Variants in CSMD1 observed in about 807,000 individuals in gnomAD.
CSMD1 encodes CUB and Sushi multiple domains 1.
CSMD1 carries 213 observed loss-of-function variants against 417.5 expected under a neutral mutation model. The observed-to-expected ratio is 0.51, with a 90% CI of 0.46 to 0.57. The LOEUF (loss-of-function observed/expected upper bound fraction) is 0.57, where lower values mean the gene tolerates loss of function less well. CSMD1 is among the 20% of genes least tolerant of loss of function. CSMD1 has a pLI of 0.00. For missense variants in CSMD1, 6,923 were observed against 4,529.7 expected (o/e 1.53, Z -15.17); for synonymous variants, 2,862 against 1,736.8 (o/e 1.65, Z -16.11).
chr8:4,038,064 A>G (rs942515644), intron 3 of CSMD1, among the ~76,000 whole-genome samples: 3 of 152,168 alleles, frequency 2.0e-5, no homozygotes, highest in Non-Finnish European at 2.9e-5. Flanking sequence ...TTAATTCAAA[A>G]AGTTTGGAAG....
At chr8:4,185,392 G>C (rs970647160) in intron 3 of CSMD1, among the ~76,000 whole-genome samples, 1 of 151,966 alleles carries the variant, frequency 6.6e-6, no homozygotes, top group Non-Finnish European at 1.5e-5. Context: ...AAAGTACCCA[G>C]AATAGTACCC....
chr8:4,424,776 T>A (rs1797448768), intron 2 of CSMD1, among the ~76,000 whole-genome samples: 1 of 152,104 alleles, frequency 6.6e-6, no homozygotes, highest in Non-Finnish European at 1.5e-5. Flanking sequence ...CCATAATGCA[T>A]CAATATTCGG....
intron 5 of CSMD1, among the ~76,000 whole-genome samples, chr8:3,806,712 A>G (rs528966989): frequency 2.0e-5 from 3 of 152,304 alleles, no homozygotes; most frequent in African/African-American, 7.2e-5. Context: ...GAGAGGTAAT[A>G]TTTCCATTTT....
intron 1 of CSMD1, among the ~76,000 whole-genome samples, chr8:4,936,202 C>T (rs943300002): frequency 2.0e-5 from 3 of 152,092 alleles, no homozygotes; most frequent in African/African-American, 2.4e-5. Context: ...AATTATTATG[C>T]TTCCATATAA....
At chr8:4,814,516 G>A (rs1343056086) in intron 1 of CSMD1, among the ~76,000 whole-genome samples, 1 of 152,080 alleles carries the variant, frequency 6.6e-6, no homozygotes, top group Non-Finnish European at 1.5e-5. Context: ...CAAAGCGCTG[G>A]GATTACAGGT....
chr8:4,573,055 G>C (rs1585269082), intron 2 of CSMD1, among the ~76,000 whole-genome samples: 1 of 152,104 alleles, frequency 6.6e-6, no homozygotes, highest in South Asian at 2.1e-4. Flanking sequence ...CTTGTATTGG[G>C]TTAGAAAACG....
chr8:3,365,698 G>A (rs115642397), intron 20 of CSMD1, among the ~76,000 whole-genome samples: 4,585 of 152,242 alleles, frequency 0.03, 93 homozygotes, highest in East Asian at 0.079. Context: ...GTAGGCTTTT[G>A]GTCAACAGTA....
At chr8:3,616,399 T>C (rs1010529386) in intron 8 of CSMD1, among the ~76,000 whole-genome samples, 28 of 152,220 alleles carry the variant, frequency 1.8e-4, no homozygotes, top group African/African-American at 6.8e-4. Context: ...CTGCCATGAT[T>C]GTAAGTTTCC....
intron 8 of CSMD1, among the ~76,000 whole-genome samples, chr8:3,591,831 A>G (rs1404827434): frequency 4.6e-5 from 7 of 152,142 alleles, no homozygotes. Flanking sequence ...TGGATAGATG[A>G]TAGGTACATA....
chr8:3,567,082 T>C (rs1352969790), intron 10 of CSMD1, among the ~76,000 whole-genome samples: 1 of 152,238 alleles, frequency 6.6e-6, no homozygotes, highest in Non-Finnish European at 1.5e-5. Flanking sequence ...TACCATGGAA[T>C]ACTATGCAGC....
chr8:4,139,138 C>A (rs1613815), intron 3 of CSMD1, among the ~76,000 whole-genome samples: 38,464 of 152,052 alleles, frequency 0.25, 5,366 homozygotes, highest in East Asian at 0.38. Flanking sequence ...ATCCTGGACC[C>A]ATTTCCTACT....
At chr8:3,112,323 C>A (rs1252499920) in intron 42 of CSMD1, among the ~76,000 whole-genome samples, 1 of 152,174 alleles carries the variant, frequency 6.6e-6, no homozygotes, top group African/African-American at 2.4e-5. Flanking sequence ...TAAGGTTTCC[C>A]TTTTGCATTT....
At chr8:3,597,751 T>C (rs920493505) in intron 8 of CSMD1, among the ~76,000 whole-genome samples, 7 of 152,082 alleles carry the variant, frequency 4.6e-5, no homozygotes, top group South Asian at 2.1e-4. Context: ...AAACCAAACA[T>C]TGCATGTTCT....
chr8:4,223,612 G>A (rs563698434), intron 3 of CSMD1, among the ~76,000 whole-genome samples: 59 of 152,242 alleles, frequency 3.9e-4, no homozygotes, highest in Admixed American at 7.2e-4. Context: ...TTGACCATGG[G>A]AAAGAATAGA....
chr8:3,579,024 T>G (rs928641170), intron 9 of CSMD1, among the ~76,000 whole-genome samples: 3 of 152,112 alleles, frequency 2.0e-5, no homozygotes, highest in Non-Finnish European at 4.4e-5. Context: ...TAATAGAGAG[T>G]AAAATTCACC....
At chr8:3,008,935 G>A (rs1424265803) in intron 52 of CSMD1, among the ~76,000 whole-genome samples, 3 of 152,152 alleles carry the variant, frequency 2.0e-5, no homozygotes, top group African/African-American at 7.2e-5. Context: ...GTACAGCAAG[G>A]TGAGAGTCTC....
At chr8:4,690,831 C>T (rs947493936) in intron 1 of CSMD1, among the ~76,000 whole-genome samples, 1 of 152,166 alleles carries the variant, frequency 6.6e-6, no homozygotes, top group Non-Finnish European at 1.5e-5. Context: ...CGGGTTCAAG[C>T]AATTCTGCTG....
chr8:3,274,583 C>A (rs1802130879), intron 26 of CSMD1, among the ~76,000 whole-genome samples: 1 of 151,956 alleles, frequency 6.6e-6, no homozygotes, highest in African/African-American at 2.4e-5. Context: ...GTAGGTCACT[C>A]AGGACTTGCT....
intron 5 of CSMD1, among the ~76,000 whole-genome samples, chr8:3,996,854 C>G (rs899639664): frequency 2.6e-5 from 4 of 152,158 alleles, no homozygotes; most frequent in African/African-American, 9.7e-5. Flanking sequence ...ATTTGGAAAA[C>G]AAAGTGCAAC....
Sources: allele counts gnomAD v4.1 joint callset (sites outside exome capture counted in the v4.1 genomes callset), GRCh38; gene constraint gnomAD v4.1.1; transcripts MANE v1.5; gene names NCBI Gene and HGNC (gene_info 2026-07-23, HGNC 2026-07-21).